Variants in PTPRT observed in about 807,000 individuals in gnomAD.
PTPRT encodes the protein protein tyrosine phosphatase receptor type T.
A neutral mutation model predicts 176.8 loss-of-function variants in PTPRT; 56 were observed. The ratio of observed to expected loss-of-function variants is 0.32; its 90% CI spans 0.26 to 0.40. The LOEUF is 0.40. PTPRT is among the 10% of genes least tolerant of loss of function. The pLI is 1.00. For missense variants in PTPRT, 1,540 were observed against 1,908.2 expected (o/e 0.81, Z 3.60); for synonymous variants, 783 against 739.0 (o/e 1.06, Z -0.96).
intron 1 of PTPRT, among the ~76,000 whole-genome samples, chr20:42,935,822 T>C (rs1032724428): frequency 6.6e-6 from 1 of 152,204 alleles, no homozygotes; most frequent in Non-Finnish European, 1.5e-5. Context: ...CGATCTTGGC[T>C]CACCACAACC....
chr20:42,161,400 G>C lies in PTPRT; in HGVS notation c.2634C>G (p.Ile878Met). The C allele has an allele frequency of 6.2e-7, 1 of 1,614,126 alleles. No homozygotes were observed. Among genetic ancestry groups the C allele is most frequent in the Non-Finnish European group, 8.5e-7 (1 of 1,180,020 alleles). ...AGCCCTGGCCTCTCTTCATCTGCGTGATGTGCTGCAGCAAGTCAGCCACCC... is the reference window on the plus strand; with the variant it reads ...AGCCCTGGCCTCTCTTCATCTGCGTCATGTGCTGCAGCAAGTCAGCCACCC... ...AIRVADLLQHITQMKRGQGYG... is the reference protein window; with the variant it reads ...AIRVADLLQHMTQMKRGQGYG... The change falls in exon 17 of 31, where the codon ATC (isoleucine) becomes ATG (methionine). Residue 878 changes from isoleucine to methionine, a missense_variant. Transcript: ENST00000373187.
intron 1 of PTPRT, among the ~76,000 whole-genome samples, chr20:43,085,083 T>C (rs2011567592): frequency 6.6e-6 from 1 of 152,190 alleles, no homozygotes; most frequent in Non-Finnish European, 1.5e-5. Flanking sequence ...ACTGAAGAAA[T>C]TACTTGCCTC....
chr20:42,319,682 C>T (rs910791915), intron 11 of PTPRT, among the ~76,000 whole-genome samples: 3 of 152,216 alleles, frequency 2.0e-5, no homozygotes, highest in African/African-American at 4.8e-5. Flanking sequence ...ACTTTCCTTT[C>T]CTGACACTTT....
chr20:42,081,008 A>C, intron 30 of PTPRT, 76 bp from the exon 31 acceptor site: 1 of 1,274,428 alleles, frequency 7.8e-7, no homozygotes, highest in Non-Finnish European at 1.1e-6. Context: ...GGGAAAATGC[A>C]TTTAGTTTAG....
the PTPRT span, among the ~76,000 whole-genome samples, chr20:42,060,273 G>A: frequency 1.3e-5 from 2 of 152,130 alleles, no homozygotes; most frequent in East Asian, 1.9e-4. Context: ...AAAAAGAGGA[G>A]GCCAAATCTG....
chr20:42,527,368 C>T (rs934000376), intron 7 of PTPRT, among the ~76,000 whole-genome samples: 1 of 152,082 alleles, frequency 6.6e-6, no homozygotes, highest in Non-Finnish European at 1.5e-5. Context: ...AAATTGACAT[C>T]GAAGGGATTA....
At chr20:42,610,881 T>C (rs558007144) in intron 7 of PTPRT, among the ~76,000 whole-genome samples, 8 of 152,334 alleles carry the variant, frequency 5.3e-5, no homozygotes, top group Non-Finnish European at 8.8e-5. Flanking sequence ...ACCACTAATC[T>C]TCTTTCCGTG....
the PTPRT span, among the ~76,000 whole-genome samples, chr20:42,041,370 G>A: frequency 1.1e-4 from 16 of 152,198 alleles, no homozygotes; most frequent in Non-Finnish European, 2.1e-4. Context: ...GGCTGGAATG[G>A]TGAGCATTTC....
chr20:42,435,085 A>C (rs2059250601), intron 9 of PTPRT, among the ~76,000 whole-genome samples: 1 of 152,184 alleles, frequency 6.6e-6, no homozygotes, highest in Non-Finnish European at 1.5e-5. Context: ...ATTGTGTTCC[A>C]GGTACTAGGT....
intron 1 of PTPRT, among the ~76,000 whole-genome samples, chr20:43,056,403 T>C (rs981034746): frequency 6.6e-6 from 1 of 152,236 alleles, no homozygotes; most frequent in Non-Finnish European, 1.5e-5. Flanking sequence ...GCGTGACCCA[T>C]GCAAACCTCA....
intron 1 of PTPRT, among the ~76,000 whole-genome samples, chr20:42,995,486 G>T (rs920275885): frequency 6.6e-6 from 1 of 152,118 alleles, no homozygotes; most frequent in African/African-American, 2.4e-5. Flanking sequence ...TCAGGGCTCA[G>T]GTCATCCTTA....
chr20:42,082,034 GA>G lies in PTPRT; in HGVS notation c.4137-18del, dbSNP rs1983376207. The G allele has an allele frequency of 6.2e-7, 1 of 1,613,956 alleles. No individual in the cohort carries two copies. Among genetic ancestry groups the G allele is most frequent in the African/African-American group, 1.3e-5 (1 of 74,940 alleles). On this transcript the variant is annotated intron_variant, in intron 29 of 30. Transcript: ENST00000373187. ...CCCCCATTTCTAAACACAGAGCAAA[GA>G]GGTGAGCCATGTTCCTAGGTCCCTT...
chr20:42,175,519 G>T (rs1225736309), intron 16 of PTPRT, among the ~76,000 whole-genome samples: 1 of 152,182 alleles, frequency 6.6e-6, no homozygotes, highest in Non-Finnish European at 1.5e-5. Flanking sequence ...TTACCAATTG[G>T]GTTGAGTAGG....
chr20:42,261,696 TTGTC>T (rs149432161), intron 13 of PTPRT, among the ~76,000 whole-genome samples: 2,137 of 152,278 alleles, frequency 0.014, 43 homozygotes, highest in African/African-American at 0.05. Context: ...TCAGCTTCCT[TTGTC>T]TGAACTGCAT....
intron 7 of PTPRT, among the ~76,000 whole-genome samples, chr20:42,583,233 T>G (rs1053990892): frequency 6.6e-6 from 1 of 152,104 alleles, no homozygotes; most frequent in African/African-American, 2.4e-5. Context: ...AAATAGAACT[T>G]TGGGGAATCC....
chr20:42,310,344 G>A (rs1347883324), intron 12 of PTPRT, among the ~76,000 whole-genome samples: 1 of 152,130 alleles, frequency 6.6e-6, no homozygotes, highest in Non-Finnish European at 1.5e-5. Context: ...GTAATAGCAT[G>A]TTAATTATCA....
At chr20:43,049,000 C>T (rs542670490) in intron 1 of PTPRT, among the ~76,000 whole-genome samples, 11 of 152,170 alleles carry the variant, frequency 7.2e-5, no homozygotes, top group Non-Finnish European at 1.5e-4. Context: ...TCAGATGAAG[C>T]GGTCAACACA....
intron 7 of PTPRT, among the ~76,000 whole-genome samples, chr20:42,548,038 C>T (rs556883265): frequency 2.6e-5 from 4 of 151,950 alleles, no homozygotes; most frequent in Admixed American, 1.3e-4. Context: ...TATATGAAGA[C>T]AACTTTTTAA....
At chr20:42,874,299 T>G (rs980789730) in intron 2 of PTPRT, among the ~76,000 whole-genome samples, 1 of 152,136 alleles carries the variant, frequency 6.6e-6, no homozygotes, top group Non-Finnish European at 1.5e-5. Flanking sequence ...AAGAATTTAC[T>G]CCGAACAACA....
Sources: allele counts gnomAD v4.1 joint callset (sites outside exome capture counted in the v4.1 genomes callset), GRCh38; gene constraint gnomAD v4.1.1; transcripts MANE v1.5; gene names NCBI Gene and HGNC (gene_info 2026-07-23, HGNC 2026-07-21).